The following BAZ1B variants were observed in gnomAD, a reference collection of about 807,000 sequenced individuals.
BAZ1B encodes tyrosine-protein kinase BAZ1B.
BAZ1B carries 22 observed loss-of-function variants against 153.8 expected under a neutral mutation model. The observed-to-expected ratio is 0.14, with a 90% confidence interval of 0.10 to 0.20. The LOEUF is 0.20. Among genes scored for constraint, BAZ1B ranks in the 10% least tolerant of loss-of-function variants. BAZ1B has a pLI of 1.00. For synonymous variants in BAZ1B, 676 were observed against 633.4 expected, an observed-to-expected ratio of 1.07 and a Z score of -1.01; for missense variants, 1,325 against 1,799.3, an observed-to-expected ratio of 0.74 and a Z score of 4.77.
intron 9 of BAZ1B, among the ~76,000 whole-genome samples, chr7:73,468,603 T>C (rs2116308711): frequency 6.6e-6 from 1 of 152,308 alleles, no homozygotes; most frequent in East Asian, 1.9e-4. Flanking sequence ...TGTGTGTTTC[T>C]TTTACAAACT....
chr7:73,493,835 T>A, intron 4 of BAZ1B, among the ~76,000 whole-genome samples: 1 of 132,356 alleles, frequency 7.6e-6, no homozygotes, highest in Non-Finnish European at 1.6e-5. Flanking sequence ...TGAAACCCTG[T>A]CTCCAAAAAA....
intron 11 of BAZ1B, among the ~76,000 whole-genome samples, chr7:73,464,751 C>T (rs913654700): frequency 5.9e-5 from 9 of 152,228 alleles, no homozygotes; most frequent in Middle Eastern, 3.4e-3. Context: ...TATGAGACAG[C>T]ATCTCGCTCT....
At chr7:73,446,354 G>A (rs1423914810) in intron 16 of BAZ1B, among the ~76,000 whole-genome samples, 1 of 152,082 alleles carries the variant, frequency 6.6e-6, no homozygotes, top group Non-Finnish European at 1.5e-5. Flanking sequence ...GGAGGCCAAG[G>A]CAGGCAGATC....
intron 4 of BAZ1B, among the ~76,000 whole-genome samples, chr7:73,493,915 G>A (rs1260407621): frequency 2.0e-5 from 3 of 151,750 alleles, no homozygotes; most frequent in African/African-American, 7.3e-5. Context: ...AAGCAATAAG[G>A]TGTGGTTAAA....
intron 2 of BAZ1B, 90 bp from the exon 3 acceptor site, chr7:73,508,561 T>C (rs1554578148): frequency 7.2e-7 from 1 of 1,383,656 alleles, no homozygotes; most frequent in Admixed American, 2.4e-5. Flanking sequence ...TTTCTTTCTT[T>C]TCCAAACATT....
At chr7:73,497,756 T>G (rs558954088) in intron 4 of BAZ1B, among the ~76,000 whole-genome samples, 63 of 152,306 alleles carry the variant, frequency 4.1e-4, no homozygotes, top group African/African-American at 1.4e-3. Flanking sequence ...TTCAAACCTA[T>G]GTTGTTCAAG....
rs1787624174 is a variant in BAZ1B, at chr7:73,441,694, C to G, written c.*16-1G>C. 1 of 158,114 alleles carries G rather than the reference C, an allele frequency of 6.3e-6. No homozygotes were observed. The highest frequency in any genetic ancestry group is 2.4e-5 in the African/African-American group (1 of 41,504). The allele number at this position is 158,114 out of a possible 1,614,324, so 9.8% of individuals were successfully genotyped here. On this transcript the variant is annotated splice_acceptor_variant, in intron 19 of 19. Coordinates refer to ENST00000339594, the MANE Select transcript of BAZ1B (RefSeq NM_032408.4). LOFTEE classifies it low-confidence loss of function (3UTR_SPLICE). ...GTATGGCACTCACTGATACTGTCAC[C>G]TGAGAGGAAGACGGGGGAAGAGACA...
intron 11 of BAZ1B, 137 bp from the exon 12 acceptor site, chr7:73,463,236 TTTC>T (rs2116287037): frequency 2.4e-6 from 2 of 821,498 alleles, no homozygotes; most frequent in Non-Finnish European, 3.7e-6. Flanking sequence ...TTTTTTCTTT[TTTC>T]TTTTTTTTTT....
At chr7:73,485,303 G>A (rs1158299999) in intron 6 of BAZ1B, among the ~76,000 whole-genome samples, 1 of 151,940 alleles carries the variant, frequency 6.6e-6, no homozygotes, top group Non-Finnish European at 1.5e-5. Flanking sequence ...CTTGGCTCAG[G>A]AAAAAATAAT....
intron 2 of BAZ1B, among the ~76,000 whole-genome samples, chr7:73,509,001 A>G (rs1279185630): frequency 2.8e-5 from 4 of 142,216 alleles, no homozygotes; most frequent in African/African-American, 1.1e-4. Context: ...CGACAGAGCG[A>G]GATTCCATCT....
At chr7:73,521,358 C>T (rs1554580151) in intron 1 of BAZ1B, among the ~76,000 whole-genome samples, 1 of 152,176 alleles carries the variant, frequency 6.6e-6, no homozygotes, top group Non-Finnish European at 1.5e-5. Context: ...GCAGTTGAGT[C>T]TTGCACACGC....
chr7:73,463,303 G>C (rs1554570671), intron 11 of BAZ1B, among the ~76,000 whole-genome samples: 3 of 138,826 alleles, frequency 2.2e-5, no homozygotes, highest in Non-Finnish European at 4.6e-5. Flanking sequence ...GGAGTGCAAA[G>C]GTGCCATCAC....
intron 3 of BAZ1B, among the ~76,000 whole-genome samples, chr7:73,504,227 A>G (rs1790243376): frequency 6.6e-6 from 1 of 152,114 alleles, no homozygotes; most frequent in Non-Finnish European, 1.5e-5. Context: ...TGTGATTAGA[A>G]CCCACTAATG....
At chr7:73,497,194 G>T (rs191532323) in intron 4 of BAZ1B, among the ~76,000 whole-genome samples, 17 of 150,708 alleles carry the variant, frequency 1.1e-4, no homozygotes, top group African/African-American at 4.1e-4. Context: ...AGTGAGCCAT[G>T]ATCGTACCAC....
At chr7:73,442,066 A>T (rs1787638582) in intron 19 of BAZ1B, 115 bp downstream of exon 19, 1 of 746,928 alleles carries the variant, frequency 1.3e-6, no homozygotes, top group South Asian at 1.8e-5. Context: ...AAAACAGCAT[A>T]AGCTTGGGAT....
Position 73,456,937 on chromosome 7 carries a change from CAAAAAAAAAAAAAAAAAAAAAAAA to C in BAZ1B, c.3432+2575_3432+2598del, listed in dbSNP as rs71071937. On this transcript the variant is annotated intron_variant, in intron 13 of 19. Transcript: ENST00000339594. ...GGCCTCGGCGACAGAGACTCTGTCT[CAAAAAAAAAAAAAAAAAAAAAAAA>C]AAAAAAAAAAAAAAAAGTATTGGCG... Among the ~76,000 whole-genome samples the C allele has an allele frequency of 4.0e-4, 16 of 39,552 alleles. No individual in the cohort carries two copies. In the Admixed American group the frequency reaches 4.2e-3, roughly 10 times the overall value. The allele number at this position is 39,552 out of a possible 152,430, so 25.9% of individuals were successfully genotyped here.
At chr7:73,489,092 T>C in intron 6 of BAZ1B, 102 bp downstream of exon 6, 1 of 1,224,498 alleles carries the variant, frequency 8.2e-7, no homozygotes, top group East Asian at 2.5e-5. Flanking sequence ...ATTCATTATC[T>C]GATGTTAGAG....
At chr7:73,516,754 G>A (rs1790813885) in intron 1 of BAZ1B, among the ~76,000 whole-genome samples, 2 of 116,318 alleles carry the variant, frequency 1.7e-5, no homozygotes, top group Non-Finnish European at 3.3e-5. Flanking sequence ...CAGCCTGGGC[G>A]ACAGACTGTG....
chr7:73,449,730 G>A, intron 14 of BAZ1B, 41 bp from the exon 15 acceptor site: 1 of 1,603,244 alleles, frequency 6.2e-7, no homozygotes, highest in Non-Finnish European at 8.5e-7. Context: ...TGGGAGCACA[G>A]CAGCAGTCAA....
Sources: gnomAD v4.1 joint callset for allele counts (sites outside exome capture counted in the v4.1 genomes callset) on GRCh38, gnomAD v4.1.1 for gene constraint, MANE v1.5 for transcripts, NCBI Gene and HGNC (gene_info 2026-07-23, HGNC 2026-07-21) for gene names.